EPHA1: variants seen among roughly 807,000 people sequenced by gnomAD.
EPHA1 encodes the protein ephrin type-A receptor 1.
A neutral mutation model predicts 110.1 loss-of-function variants in EPHA1; 92 were observed. The observed-to-expected ratio is 0.84, with a 90% confidence interval of 0.71 to 0.99. The LOEUF (loss-of-function observed/expected upper bound fraction) is 0.99, where lower values mean the gene tolerates loss of function less well. Ranked by LOEUF, EPHA1 falls within the 50% of genes least tolerant of loss-of-function variation. The probability of loss-of-function intolerance (pLI) is 0.00; values close to 1 mark genes in which losing one functional copy is unlikely to be tolerated. For missense variants in EPHA1, 1,204 were observed against 1,285.4 expected, an observed-to-expected ratio of 0.94 and a Z score of 0.97; for synonymous variants, 500 against 516.1, an observed-to-expected ratio of 0.97 and a Z score of 0.42.
chr7:143,391,605 G>C lies in EPHA1; in HGVS notation c.2852+15C>G, dbSNP rs371718157. On this transcript the variant is annotated intron_variant, in intron 17 of 17. Transcript: ENST00000275815. ...CCCGCAGCCCTCCCCTGCCCAGACA[G>C]CTCCAGCTCCTTACTCAGCGGTCAG... 6.2e-7 allele frequency: 1 copy of C among 1,614,034 alleles called. No homozygotes were observed. The highest frequency in any genetic ancestry group is 8.5e-7 in the Non-Finnish European group (1 of 1,180,020).
rs998008619 is a variant in EPHA1 at position 143,391,274 on chromosome 7, C to T, written c.*183G>A. 2.1e-5 allele frequency: 14 copies of T among 667,446 alleles called. No homozygotes were observed. Among genetic ancestry groups the T allele is most frequent in the African/African-American group, 2.0e-4 (11 of 55,002 alleles). The allele number at this position is 667,446 out of a possible 1,614,324, so 41.3% of individuals were successfully genotyped here. A position where few individuals can be genotyped will look rare whatever the true frequency, so the allele number is the denominator to read the frequency against. On this transcript the variant is annotated 3_prime_UTR_variant, in exon 18 of 18. Transcript: ENST00000275815. ...GATCATCCTTTTACTTCTACCCCCA[C>T]CTCCCTTTTAAAACAAAGAGGTTTT... is the stretch of plus-strand genomic sequence containing the variant.
intron 3 of EPHA1, chr7:143,400,910 T>TAA (rs1243331575): frequency 5.4e-6 from 1 of 184,938 alleles, no homozygotes; most frequent in African/African-American, 2.4e-5. Flanking sequence ...TTTTTTTCTT[T>TAA]AGAGACAGGA....
intron 6 of EPHA1, 66 bp from the exon 7 acceptor site, chr7:143,398,514 A>T: frequency 6.2e-7 from 1 of 1,609,868 alleles, no homozygotes; most frequent in East Asian, 2.2e-5. Context: ...TAACTTTTCT[A>T]TGGCTTCCTG....
chr7:143,393,820 C>T lies in EPHA1; in HGVS notation c.2547G>A (p.Val849=). 6.3e-7 allele frequency: 1 copy of T among 1,596,898 alleles called. No homozygotes were observed. Among genetic ancestry groups the T allele is most frequent in the South Asian group, 1.1e-5 (1 of 89,140 alleles). Reference sequence around the variant, plus strand: ...GCTCATACAGAGGGGCAGGGCAGTCCACAGGAGGGGGCAACCGGTACCCAT... The same window carrying T: ...GCTCATACAGAGGGGCAGGGCAGTCTACAGGAGGGGGCAACCGGTACCCAT... ...IEDGYRLPPP[V]DCPAPLYELM... is the part of the protein sequence containing the mutation. Residue 849 remains valine, a synonymous_variant, in exon 16 of 18, where the codon GTG becomes GTA. Coordinates refer to ENST00000275815, the MANE Select transcript of EPHA1 (RefSeq NM_005232.5). The surrounding 1 kb of genome is among the most constrained non-coding windows in gnomAD (Gnocchi z 5.6).
At chr7:143,394,397 A>C (rs1805183968) in intron 14 of EPHA1, 54 bp from the exon 15 acceptor site, 2 of 1,542,216 alleles carry the variant, frequency 1.3e-6, no homozygotes, top group Non-Finnish European at 1.8e-6. Flanking sequence ...CCTGAGCACG[A>C]GTCTTTCTGC....
chr7:143,397,682 G>A, intron 8 of EPHA1, 25 bp from the exon 9 acceptor site: 2 of 1,612,940 alleles, frequency 1.2e-6, no homozygotes, highest in African/African-American at 1.3e-5. Context: ...GGATGAGGAA[G>A]TGTTGGGACT....
chr7:143,403,420 CTTT>C (rs57457497), intron 2 of EPHA1, among the ~76,000 whole-genome samples: 1 of 150,200 alleles, frequency 6.7e-6, no homozygotes. Flanking sequence ...AGCTTTCTTA[CTTT>C]TTTTTTTTAA....
intron 2 of EPHA1, among the ~76,000 whole-genome samples, chr7:143,404,218 C>CT (rs11296361): frequency 2.4e-3 from 349 of 146,120 alleles, no homozygotes; most frequent in African/African-American, 5.6e-3. Context: ...AGAGATATAT[C>CT]TTTTTTTTTT....
chr7:143,397,594 G>T lies in EPHA1; in HGVS notation c.1679C>A (p.Ala560Asp). 5 of 1,614,070 alleles carry T rather than the reference G, an allele frequency of 3.1e-6. No homozygotes were observed. Among genetic ancestry groups the T allele is most frequent in the Non-Finnish European group, 4.2e-6 (5 of 1,179,932 alleles). ...GAAAACGAGAATCCCAAGCAGCAAG[G>T]CTGCACCAAGCAGCAGCCCAAAGAT... ...AVIFGLLLGA[A>D]LLLGILVFRS... The change falls in exon 9 of 18, where the codon GCC becomes GAC. Residue 560 changes from alanine to aspartate, a missense_variant. Ala to Asp is a moderately radical substitution (Grantham distance 126, BLOSUM62 -2). Coordinates refer to ENST00000275815, the MANE Select transcript of EPHA1 (RefSeq NM_005232.5).
intron 2 of EPHA1, among the ~76,000 whole-genome samples, chr7:143,406,093 C>T (rs1369625905): frequency 1.3e-5 from 2 of 152,126 alleles, no homozygotes; most frequent in Non-Finnish European, 2.9e-5. Context: ...CCTCAAAATC[C>T]CTGAAGTGAC....
At position 143,394,809 on chromosome 7, in the gene EPHA1, T is replaced by TG; in HGVS notation, c.2350dup (p.Gln784ProfsTer13). 1.2e-6 allele frequency: 2 copies of TG among 1,614,086 alleles called. No homozygotes were observed. Among genetic ancestry groups the TG allele is most frequent in the Non-Finnish European group, 1.7e-6 (2 of 1,180,032 alleles). On this transcript the variant is annotated frameshift_variant and splice_region_variant, in exon 14 of 18. Coordinates refer to ENST00000275815, the MANE Select transcript of EPHA1 (RefSeq NM_005232.5). LOFTEE classifies it high-confidence loss of function. ...ACTGGGTTTGTACCGGCCTCTAACCTGGGTTTCGTATGTGCCATCAAAGTC... is the reference window on the plus strand; with the variant it reads ...ACTGGGTTTGTACCGGCCTCTAACCTGGGGTTTCGTATGTGCCATCAAAGTC...
chr7:143,400,036 T>G lies in EPHA1; in HGVS notation c.450A>C (p.Ala150=). ...GGTCTCGAATGGTGAAGCTCTGGTC[T>G]GCAGCCACCGTGGTTACCTGGGTAG... ...PLFQKVTTVA[A]DQSFTIRDLV... The change falls in exon 4 of 18, where the codon GCA becomes GCC. Residue 150 remains alanine, a synonymous_variant. Coordinates refer to ENST00000275815, the MANE Select transcript of EPHA1 (RefSeq NM_005232.5). The G allele has an allele frequency of 1.2e-6, 2 of 1,603,254 alleles. No individual in the cohort carries two copies. The highest frequency in any genetic ancestry group is 1.3e-5 in the African/African-American group (1 of 74,872).
chr7:143,399,072 C>G, intron 5 of EPHA1, 127 bp from the exon 6 acceptor site: 1 of 1,215,510 alleles, frequency 8.2e-7, no homozygotes, highest in Non-Finnish European at 1.2e-6. Context: ...TTGATTTCTA[C>G]TGGGTTTGAC....
intron 8 of EPHA1, 111 bp from the exon 9 acceptor site, chr7:143,397,768 C>A: frequency 6.6e-7 from 1 of 1,514,714 alleles, no homozygotes; most frequent in African/African-American, 1.4e-5. Flanking sequence ...CAGTGTGCAT[C>A]AGGTCGGTGT....
intron 10 of EPHA1, 162 bp from the exon 11 acceptor site, chr7:143,396,672 T>C: frequency 5.2e-6 from 4 of 762,942 alleles, no homozygotes; most frequent in Non-Finnish European, 8.2e-6. Context: ...ATTTAGCAAC[T>C]AGGCCTTTCT....
In EPHA1 at chr7:143,398,308, G is replaced by A; in HGVS notation, c.1464+13C>T. 1 of 1,613,828 alleles carries A rather than the reference G, an allele frequency of 6.2e-7. No homozygotes were observed. The highest frequency in any genetic ancestry group is 2.2e-5 in the East Asian group (1 of 44,840). On this transcript the variant is annotated intron_variant, in intron 7 of 17. Transcript: ENST00000275815. ...CATGGACACTGAAGACCATCTCTCA[G>A]TAGCATCCTGACCTGGTTCAGCACG...
rs1170615045 is a variant in EPHA1, at chr7:143,394,010, G to A, written c.2503-146C>T. On this transcript the variant is annotated intron_variant, in intron 15 of 17. Transcript: ENST00000275815. ...CAGGGTGGGACGATCACAGTGGGAG[G>A]ATCAGGGTGGGAGGAGTAAAGAGAG... is the stretch of plus-strand genomic sequence containing the variant. 1.8e-5 allele frequency: 22 copies of A among 1,233,212 alleles called. No individual in the cohort carries two copies. The East Asian group carries it at 4.7e-4, about 27-fold the overall frequency. The allele number at this position is 1,233,212 out of a possible 1,614,324, so 76.4% of individuals were successfully genotyped here.
chr7:143,407,158 A>G (rs1400857550), intron 2 of EPHA1, among the ~76,000 whole-genome samples: 2 of 152,168 alleles, frequency 1.3e-5, no homozygotes, highest in African/African-American at 4.8e-5. Context: ...TACAGAATTT[A>G]GAGTACACTT....
chr7:143,404,318 G>C (rs370747936), intron 2 of EPHA1, among the ~76,000 whole-genome samples: 2 of 151,584 alleles, frequency 1.3e-5, no homozygotes, highest in African/African-American at 4.9e-5. Flanking sequence ...CAGGGTTCAC[G>C]CCATTCTCCT....
Sources: allele counts gnomAD v4.1 joint callset (sites outside exome capture counted in the v4.1 genomes callset), GRCh38; gene constraint gnomAD v4.1.1; non-coding constraint Gnocchi (gnomAD v3.1); transcripts MANE v1.5; gene names NCBI Gene and HGNC (gene_info 2026-07-23, HGNC 2026-07-21).